The following CAMTA1 variants were observed in gnomAD, a reference collection of about 807,000 sequenced individuals.
The protein encoded by CAMTA1 is calmodulin-binding transcription activator 1.
In CAMTA1, 27 loss-of-function variants were observed where a neutral mutation model predicts 170.9. The ratio of observed to expected loss-of-function variants is 0.16; its 90% CI spans 0.12 to 0.22. The LOEUF (loss-of-function observed/expected upper bound fraction) is 0.22, where lower values mean the gene tolerates loss of function less well. Ranked by LOEUF, CAMTA1 falls within the 10% of genes least tolerant of loss-of-function variation. The pLI is 1.00. For missense variants in CAMTA1, 1,619 were observed against 2,217.2 expected (o/e 0.73, Z 5.42); for synonymous variants, 833 against 891.5 (o/e 0.93, Z 1.17).
At chr1:7,145,673 C>T (rs538488091) in intron 4 of CAMTA1, among the ~76,000 whole-genome samples, 1 of 152,214 alleles carries the variant, frequency 6.6e-6, no homozygotes, top group Admixed American at 6.5e-5. Flanking sequence ...AGGAGCTGGA[C>T]TCCAGTCTGA....
intron 3 of CAMTA1, among the ~76,000 whole-genome samples, chr1:7,059,859 A>C (rs1390226951): frequency 6.6e-6 from 1 of 152,208 alleles, no homozygotes; most frequent in Non-Finnish European, 1.5e-5. Context: ...AATAGGATCT[A>C]AATCTCACAA....
chr1:7,214,244 A>G (rs1052129974), intron 4 of CAMTA1, among the ~76,000 whole-genome samples: 1 of 152,160 alleles, frequency 6.6e-6, no homozygotes, highest in Non-Finnish European at 1.5e-5. Context: ...AAGTGTTCCT[A>G]TTTCTCCACA....
chr1:7,430,434 G>A (rs2092103408), intron 5 of CAMTA1, among the ~76,000 whole-genome samples: 1 of 151,902 alleles, frequency 6.6e-6, no homozygotes, highest in Non-Finnish European at 1.5e-5. Flanking sequence ...GATGGTGGAG[G>A]TGACAGTGAT....
intron 3 of CAMTA1, among the ~76,000 whole-genome samples, chr1:6,998,790 A>G (rs947717051): frequency 1.1e-4 from 16 of 152,292 alleles, no homozygotes; most frequent in African/African-American, 3.4e-4. Flanking sequence ...TATTTTACCT[A>G]TCATGTTTCT....
Position 7,747,771 on chromosome 1 carries a change from A to C in CAMTA1, c.4679A>C (p.Lys1560Thr). 1 of 1,611,562 alleles carries C rather than the reference A, an allele frequency of 6.2e-7. No homozygotes were observed. Among genetic ancestry groups the C allele is most frequent in the South Asian group, 1.1e-5 (1 of 90,644 alleles). ...AAAVIQRCYR[K>T]YKQYALYKKM... Reference sequence around the variant, plus strand: ...GCTGTTATTCAGCGTTGTTACAGAAAATATAAACAGGTAAACCTCAGTTTT... The same window carrying C: ...GCTGTTATTCAGCGTTGTTACAGAACATATAAACAGGTAAACCTCAGTTTT... Residue 1560 changes from lysine (K) to threonine (T), a missense_variant, in exon 19 of 23, where the codon AAA (lysine) becomes ACA (threonine). Lys to Thr is a moderately conservative substitution (Grantham distance 78). Around this residue, in one of 8 missense-constraint regions of CAMTA1, gnomAD observed 128 missense variants for 213.5 expected, o/e 0.60. Transcript: ENST00000303635.
At chr1:7,391,512 A>T (rs971516344) in intron 5 of CAMTA1, among the ~76,000 whole-genome samples, 1 of 152,130 alleles carries the variant, frequency 6.6e-6, no homozygotes, top group African/African-American at 2.4e-5. Flanking sequence ...TACAATTAAC[A>T]TATGGTAAAA....
In CAMTA1 at chr1:7,767,970, T is replaced by A. The variant is rs1035211303; in HGVS notation, c.*1479T>A. The A allele has an allele frequency of 1.3e-5, 2 of 152,510 alleles. No individual in the cohort carries two copies. Among genetic ancestry groups the A allele is most frequent in the Admixed American group, 6.6e-5 (1 of 15,254 alleles). The allele number at this position is 152,510 out of a possible 1,614,324, so 9.4% of individuals were successfully genotyped here. A position where few individuals can be genotyped will look rare whatever the true frequency, so the allele number is the denominator to read the frequency against. ...GAGTTTAGTTTATTTTATTTAAAAT[T>A]TTTTTGCCAATGGTGCCAAGTAATG... On this transcript the variant is annotated 3_prime_UTR_variant, in exon 23 of 23. Coordinates refer to ENST00000303635, the MANE Select transcript of CAMTA1 (RefSeq NM_015215.4).
At chr1:6,844,134 A>G (rs778809963) in intron 3 of CAMTA1, among the ~76,000 whole-genome samples, 8 of 152,212 alleles carry the variant, frequency 5.3e-5, no homozygotes, top group Non-Finnish European at 7.3e-5. Context: ...AAGAAACCAG[A>G]CACTCAGAAT....
chr1:6,827,543 T>A (rs1310776233), intron 3 of CAMTA1, among the ~76,000 whole-genome samples: 3 of 150,612 alleles, frequency 2.0e-5, no homozygotes, highest in East Asian at 3.9e-4. Context: ...CTATTTTTTT[T>A]TTTTTAAACT....
At position 6,938,408 on chromosome 1, in the gene CAMTA1, C is replaced by T. The variant is rs1685833623; in HGVS notation, c.234+113198C>T. ...TGGCCCTGGGGACTTGGTTGCGTCACAGCAGGAGGTGGGGAGCAAAGGGGA... is the reference window on the plus strand; with the variant it reads ...TGGCCCTGGGGACTTGGTTGCGTCATAGCAGGAGGTGGGGAGCAAAGGGGA... On this transcript the variant is annotated intron_variant, in intron 3 of 22. Coordinates refer to ENST00000303635, the MANE Select transcript of CAMTA1 (RefSeq NM_015215.4). Among the ~76,000 whole-genome samples the T allele has an allele frequency of 2.0e-5, 3 of 152,076 alleles. No individual in the cohort carries two copies. In the South Asian group the frequency reaches 6.2e-4, roughly 32 times the overall value.
chr1:6,785,479 C>T lies in CAMTA1; in HGVS notation c.-52C>T. The T allele has an allele frequency of 9.9e-7, 1 of 1,008,122 alleles. No homozygotes were observed. 62.4% of individuals were successfully genotyped at this position (1,008,122 alleles called of 1,614,324 possible). The stretch of plus-strand genomic sequence containing the variant: ...GGCGGCGGGGTGGCTGGGCCGGCGG[C>T]GGCGGCGGTACGAGGCGCGCGCTCG... On this transcript the variant is annotated 5_prime_UTR_variant, in exon 1 of 23. Transcript: ENST00000303635.
intron 5 of CAMTA1, among the ~76,000 whole-genome samples, chr1:7,401,921 A>G (rs2089934759): frequency 6.6e-6 from 1 of 152,242 alleles, no homozygotes; most frequent in Non-Finnish European, 1.5e-5. Flanking sequence ...AGCCCTGGGA[A>G]CTAGGTTACT....
chr1:7,124,274 GT>G (rs2148481537), intron 4 of CAMTA1, among the ~76,000 whole-genome samples: 1 of 152,158 alleles, frequency 6.6e-6, no homozygotes, highest in African/African-American at 2.4e-5. Flanking sequence ...CCAGACACCT[GT>G]CCCCTGTTGC....
At chr1:6,788,621 CTGCTGTAGA>C (rs1002565843) in intron 1 of CAMTA1, among the ~76,000 whole-genome samples, 5 of 152,128 alleles carry the variant, frequency 3.3e-5, no homozygotes, top group Non-Finnish European at 5.9e-5. Flanking sequence ...AGTCGAATAC[CTGCTGTAGA>C]TGGTGTAGAC....
At position 7,248,346 on chromosome 1, in the gene CAMTA1, G is replaced by A. The variant is rs1046606567; in HGVS notation, c.303-1145G>A. On this transcript the variant is annotated intron_variant, in intron 4 of 22. Coordinates refer to ENST00000303635, the MANE Select transcript of CAMTA1 (RefSeq NM_015215.4). The surrounding 1 kb of genome is among the most constrained non-coding windows in gnomAD (Gnocchi z 4.0). ...AGAGCAACATACAAGCCAGGCTGAA[G>A]AAGCCCCACTTCATTTGCCTTATTT... Among the ~76,000 whole-genome samples, 2 of 152,196 alleles carry A rather than the reference G, an allele frequency of 1.3e-5. No individual in the cohort carries two copies. Among genetic ancestry groups the A allele is most frequent in the African/African-American group, 4.8e-5 (2 of 41,450 alleles).
intron 5 of CAMTA1, among the ~76,000 whole-genome samples, chr1:7,353,036 G>A (rs72642818): frequency 0.012 from 1,758 of 152,298 alleles, 8 homozygotes; most frequent in Non-Finnish European, 0.019. Flanking sequence ...GCCCTTGACC[G>A]CCTGGTGAAA....
At chr1:7,710,009 G>C (rs1183432592) in intron 11 of CAMTA1, among the ~76,000 whole-genome samples, 1 of 152,152 alleles carries the variant, frequency 6.6e-6, no homozygotes, top group African/African-American at 2.4e-5. Flanking sequence ...TTTCAATTCA[G>C]CTATTCTGCT....
intron 4 of CAMTA1, among the ~76,000 whole-genome samples, chr1:7,219,779 T>C (rs1421736635): frequency 2.0e-5 from 3 of 152,078 alleles, no homozygotes; most frequent in African/African-American, 7.2e-5. Flanking sequence ...CTCACACTTG[T>C]AATCCCAGCA....
chr1:7,690,584 G>A lies in CAMTA1; in HGVS notation c.2914+12851G>A, dbSNP rs559843078. On this transcript the variant is annotated intron_variant, in intron 11 of 22. Transcript: ENST00000303635. ...ACATGGCAGACTTCTGAGCCACCAG[G>A]ATTGTTTCTTTCAGCAAAACACCTT... Among the ~76,000 whole-genome samples, 8 of 152,334 alleles carry A rather than the reference G, an allele frequency of 5.3e-5. No individual in the cohort carries two copies. The East Asian group carries it at 1.2e-3, about 22-fold the overall frequency.
Sources: gnomAD v4.1 joint callset for allele counts (sites outside exome capture counted in the v4.1 genomes callset) on GRCh38, gnomAD v4.1.1 for gene constraint, gnomAD v4.1.1 regional missense constraint, Gnocchi (gnomAD v3.1) non-coding constraint, MANE v1.5 for transcripts, NCBI Gene and HGNC (gene_info 2026-07-23, HGNC 2026-07-21) for gene names.